The following SUSD4 variants were observed in gnomAD, a reference collection of about 807,000 sequenced individuals.
The protein encoded by SUSD4 is sushi domain-containing protein 4.
A neutral mutation model predicts 50.5 loss-of-function variants in SUSD4; 41 were observed. That is an observed-to-expected ratio of 0.81 (90% CI 0.63 to 1.05). The LOEUF (loss-of-function observed/expected upper bound fraction) is 1.05, where lower values mean the gene tolerates loss of function less well. Among genes scored for constraint, SUSD4 ranks in the 50% least tolerant of loss-of-function variants. The pLI is 0.00. For missense variants in SUSD4, 580 were observed against 634.7 expected (o/e 0.91, Z 0.93); for synonymous variants, 257 against 257.3 (o/e 1.00, Z 0.01).
intron 2 of SUSD4, among the ~76,000 whole-genome samples, chr1:223,323,209 G>A (rs374209918): frequency 6.6e-6 from 1 of 151,008 alleles, no homozygotes. Flanking sequence ...GGAGGGGGAT[G>A]GAAGGAAAGA....
At chr1:223,287,926 T>G (rs1343177105) in intron 3 of SUSD4, among the ~76,000 whole-genome samples, 1 of 152,054 alleles carries the variant, frequency 6.6e-6, no homozygotes, top group Non-Finnish European at 1.5e-5. Flanking sequence ...AAAAGCACAC[T>G]CCCCCTGCAA....
At chr1:223,321,983 T>TA in intron 2 of SUSD4, among the ~76,000 whole-genome samples, 1 of 152,336 alleles carries the variant, frequency 6.6e-6, no homozygotes, top group East Asian at 1.9e-4. Context: ...AGTTACCGAT[T>TA]GAGCATCCCA....
intron 3 of SUSD4, among the ~76,000 whole-genome samples, chr1:223,269,124 C>T (rs1291393885): frequency 2.0e-5 from 3 of 152,170 alleles, no homozygotes; most frequent in Admixed American, 6.5e-5. Context: ...CTAAGGGTCC[C>T]GGCCCTGAGC....
At chr1:223,278,819 G>A (rs1296368882) in intron 3 of SUSD4, among the ~76,000 whole-genome samples, 1 of 152,236 alleles carries the variant, frequency 6.6e-6, no homozygotes, top group African/African-American at 2.4e-5. Context: ...CACCCCCCGA[G>A]TAGGGGCAGA....
intron 5 of SUSD4, among the ~76,000 whole-genome samples, chr1:223,233,032 T>A (rs1659995856): frequency 6.6e-6 from 1 of 152,232 alleles, no homozygotes; most frequent in South Asian, 2.1e-4. Flanking sequence ...CTTCCCGTAC[T>A]GGGGCACTAC....
At chr1:223,287,418 C>A (rs553180560) in intron 3 of SUSD4, among the ~76,000 whole-genome samples, 7 of 152,250 alleles carry the variant, frequency 4.6e-5, no homozygotes, top group African/African-American at 1.4e-4. Context: ...GCGGTTTCAA[C>A]AATCCTTCTG....
At chr1:223,277,992 C>A (rs1047579174) in intron 3 of SUSD4, among the ~76,000 whole-genome samples, 2 of 152,102 alleles carry the variant, frequency 1.3e-5, no homozygotes, top group Non-Finnish European at 2.9e-5. Context: ...CTTGGCCCCA[C>A]CCTTAGCATT....
chr1:223,328,962 G>A (rs1445314154), intron 2 of SUSD4, among the ~76,000 whole-genome samples: 4 of 152,162 alleles, frequency 2.6e-5, no homozygotes, highest in African/African-American at 9.7e-5. Context: ...AAATCTCTCT[G>A]TCACTGGACA....
intron 2 of SUSD4, among the ~76,000 whole-genome samples, chr1:223,341,614 G>A (rs1270808028): frequency 6.6e-6 from 1 of 152,128 alleles, no homozygotes; most frequent in Non-Finnish European, 1.5e-5. Flanking sequence ...GTGTTCTCAG[G>A]TTCAGGTCTT....
chr1:223,348,756 A>T (rs950012640), intron 2 of SUSD4, among the ~76,000 whole-genome samples: 2 of 152,186 alleles, frequency 1.3e-5, no homozygotes, highest in Non-Finnish European at 1.5e-5. Flanking sequence ...GACCTGTATC[A>T]ACAGTTTAGG....
intron 3 of SUSD4, among the ~76,000 whole-genome samples, chr1:223,274,777 A>C (rs1344769911): frequency 6.6e-6 from 1 of 152,190 alleles, no homozygotes; most frequent in Non-Finnish European, 1.5e-5. Context: ...CATTCTTCTA[A>C]GCACACGTGG....
At chr1:223,224,639 CAA>C (rs1426139822) in intron 7 of SUSD4, among the ~76,000 whole-genome samples, 2 of 152,298 alleles carry the variant, frequency 1.3e-5, no homozygotes, top group Non-Finnish European at 2.9e-5. Context: ...GGAGCGGCGG[CAA>C]AGTGAGTCTG....
intron 3 of SUSD4, chr1:223,289,318 G>T (rs896103846): frequency 1.0e-6 from 1 of 984,996 alleles, no homozygotes; most frequent in African/African-American, 1.7e-5. Flanking sequence ...GAGACTTTGG[G>T]GGCCATAAAG....
chr1:223,224,994 C>T (rs552582101), intron 7 of SUSD4, among the ~76,000 whole-genome samples: 6 of 151,254 alleles, frequency 4.0e-5, no homozygotes, highest in African/African-American at 1.2e-4. Context: ...CTCAGCCTCC[C>T]GAGTAGCTGG....
chr1:223,325,303 A>C (rs934131442), intron 2 of SUSD4, among the ~76,000 whole-genome samples: 1 of 152,210 alleles, frequency 6.6e-6, no homozygotes, highest in Admixed American at 6.5e-5. Context: ...CCATGAGAAG[A>C]AATTCAGAAA....
intron 5 of SUSD4, among the ~76,000 whole-genome samples, chr1:223,242,476 C>T (rs1243831979): frequency 6.6e-6 from 1 of 152,212 alleles, no homozygotes; most frequent in African/African-American, 2.4e-5. Context: ...AACTCCTCCA[C>T]TGCCCCACCC....
chr1:223,241,920 C>T (rs1057072049), intron 5 of SUSD4, among the ~76,000 whole-genome samples: 5 of 152,142 alleles, frequency 3.3e-5, no homozygotes, highest in Admixed American at 2.6e-4. Flanking sequence ...TTTACGGTGG[C>T]CTGGGAAGCT....
At chr1:223,300,306 CTCTT>C (rs1419621553) in intron 2 of SUSD4, among the ~76,000 whole-genome samples, 2 of 152,166 alleles carry the variant, frequency 1.3e-5, no homozygotes, top group African/African-American at 4.8e-5. Flanking sequence ...CTGAGATCCC[CTCTT>C]TCTTTTCTCC....
intron 3 of SUSD4, among the ~76,000 whole-genome samples, chr1:223,269,797 T>A (rs1255347397): frequency 6.6e-6 from 1 of 152,192 alleles, no homozygotes; most frequent in Non-Finnish European, 1.5e-5. Flanking sequence ...AGGTCTCTTA[T>A]CCATTCCCCA....
Sources: gnomAD v4.1 joint callset for allele counts (sites outside exome capture counted in the v4.1 genomes callset) on GRCh38, gnomAD v4.1.1 for gene constraint, MANE v1.5 for transcripts, NCBI Gene and HGNC (gene_info 2026-07-23, HGNC 2026-07-21) for gene names.